The following CCSER1 variants were observed in gnomAD, a reference collection of about 807,000 sequenced individuals.
CCSER1 encodes the protein serine-rich coiled-coil domain-containing protein 1.
CCSER1 carries 41 observed loss-of-function variants against 82.0 expected under a neutral mutation model. The observed-to-expected ratio is 0.50, with a 90% confidence interval of 0.39 to 0.65. CCSER1 has a LOEUF of 0.65. Ranked by LOEUF, CCSER1 falls within the 30% of genes least tolerant of loss-of-function variation. The probability of loss-of-function intolerance (pLI) is 0.00; values close to 1 mark genes in which losing one functional copy is unlikely to be tolerated. For synonymous variants in CCSER1, 414 were observed against 383.9 expected, an observed-to-expected ratio of 1.08 and a Z score of -0.92; for missense variants, 1,119 against 1,064.2, an observed-to-expected ratio of 1.05 and a Z score of -0.72.
At chr4:91,088,713 G>A (rs977754337) in intron 10 of CCSER1, among the ~76,000 whole-genome samples, 6 of 151,490 alleles carry the variant, frequency 4.0e-5, no homozygotes, top group Non-Finnish European at 8.8e-5. Context: ...TAAAAAGGGA[G>A]ATTAGTAGAA....
At chr4:90,700,907 CAAAA>C (rs1737961259) in intron 6 of CCSER1, among the ~76,000 whole-genome samples, 1 of 152,112 alleles carries the variant, frequency 6.6e-6, no homozygotes, top group Non-Finnish European at 1.5e-5. Context: ...GAGTAGACTG[CAAAA>C]ATTTTCTCCC....
intron 10 of CCSER1, among the ~76,000 whole-genome samples, chr4:91,254,793 A>G (rs1402035982): frequency 6.6e-6 from 1 of 152,124 alleles, no homozygotes; most frequent in Non-Finnish European, 1.5e-5. Context: ...ATAGGTAATA[A>G]TTCCAAGAAT....
At chr4:90,969,347 C>G (rs1012753010) in intron 9 of CCSER1, among the ~76,000 whole-genome samples, 1 of 151,858 alleles carries the variant, frequency 6.6e-6, no homozygotes, top group African/African-American at 2.4e-5. Context: ...TATACCAAGA[C>G]ACACGATAAA....
At chr4:90,412,180 T>C (rs993626702) in intron 4 of CCSER1, among the ~76,000 whole-genome samples, 1 of 151,908 alleles carries the variant, frequency 6.6e-6, no homozygotes, top group African/African-American at 2.4e-5. Flanking sequence ...TGGATGAAGC[T>C]GGAAACCATC....
intron 10 of CCSER1, chr4:91,112,563 G>A (rs943241778): frequency 6.6e-6 from 1 of 151,964 alleles, no homozygotes; most frequent in Non-Finnish European, 1.5e-5. Flanking sequence ...ACTACTTAAG[G>A]GTCACTCATT....
chr4:90,970,777 G>A (rs72665466), intron 9 of CCSER1, among the ~76,000 whole-genome samples: 40,832 of 151,456 alleles, frequency 0.27, 6,812 homozygotes, highest in East Asian at 0.39. Context: ...ATCAATAAGA[G>A]GAAGAAAAAT....
chr4:90,967,025 G>T (rs1220689419), intron 9 of CCSER1, among the ~76,000 whole-genome samples: 2 of 152,116 alleles, frequency 1.3e-5, no homozygotes, highest in African/African-American at 4.8e-5. Flanking sequence ...ATAATCAAGG[G>T]AGTGTGGTAC....
rs1322407031 is a variant in CCSER1 at position 90,607,334 on chromosome 4, A to C, written c.1725-20691A>C. Among the ~76,000 whole-genome samples, 72 of 152,196 alleles carry C rather than the reference A, an allele frequency of 4.7e-4. 1 individual carries two copies. Among genetic ancestry groups the C allele is most frequent in the Admixed American group, 4.7e-3 (72 of 15,268 alleles). On this transcript the variant is annotated intron_variant, in intron 5 of 10. Coordinates refer to ENST00000509176, the MANE Select transcript of CCSER1 (RefSeq NM_001145065.2). Reference sequence around the variant, plus strand: ...GAACACACTAAATATAAAAACTTTAAGGAAGGAGCATTTATTAGTTTGCTA... The same window carrying C: ...GAACACACTAAATATAAAAACTTTACGGAAGGAGCATTTATTAGTTTGCTA...
chr4:90,215,884 G>A (rs1740905191), intron 1 of CCSER1, among the ~76,000 whole-genome samples: 1 of 152,166 alleles, frequency 6.6e-6, no homozygotes, highest in East Asian at 1.9e-4. Flanking sequence ...GGGCAGGGGC[G>A]AGGTGGGGGC....
chr4:91,561,039 A>G (rs963971680), intron 10 of CCSER1, among the ~76,000 whole-genome samples: 1 of 151,442 alleles, frequency 6.6e-6, no homozygotes, highest in African/African-American at 2.4e-5. Context: ...AAATACATGT[A>G]TTTGTAAAGC....
At chr4:91,459,974 C>T (rs1478478324) in intron 10 of CCSER1, among the ~76,000 whole-genome samples, 1 of 152,048 alleles carries the variant, frequency 6.6e-6, no homozygotes, top group Non-Finnish European at 1.5e-5. Context: ...AATATCATAG[C>T]AACTCAGCCA....
At chr4:91,228,266 C>T (rs1738361550) in intron 10 of CCSER1, among the ~76,000 whole-genome samples, 1 of 152,076 alleles carries the variant, frequency 6.6e-6, no homozygotes, top group Non-Finnish European at 1.5e-5. Context: ...TGAAAACTAA[C>T]AAACACATTT....
At chr4:90,574,414 G>T (rs979215676) in intron 5 of CCSER1, among the ~76,000 whole-genome samples, 2 of 150,850 alleles carry the variant, frequency 1.3e-5, no homozygotes, top group South Asian at 2.1e-4. Context: ...GACTACAGGC[G>T]CCCGCCACCG....
chr4:90,286,015 T>C (rs1460772765), intron 1 of CCSER1, among the ~76,000 whole-genome samples: 2 of 152,058 alleles, frequency 1.3e-5, no homozygotes, highest in Non-Finnish European at 2.9e-5. Context: ...ATCTATTTAA[T>C]GTGTTCTGAA....
intron 10 of CCSER1, among the ~76,000 whole-genome samples, chr4:91,239,192 T>C (rs1252957207): frequency 7.6e-6 from 1 of 130,746 alleles, no homozygotes; most frequent in Non-Finnish European, 1.6e-5. Flanking sequence ...CTTCATCTTA[T>C]GGATGGGATA....
intron 1 of CCSER1, among the ~76,000 whole-genome samples, chr4:90,231,737 C>CA (rs1240666970): frequency 6.6e-6 from 1 of 152,104 alleles, no homozygotes; most frequent in Non-Finnish European, 1.5e-5. Flanking sequence ...TGTCTTAGCC[C>CA]AAAATCTCCT....
chr4:91,339,778 A>C (rs1235978889), intron 10 of CCSER1, among the ~76,000 whole-genome samples: 1 of 151,838 alleles, frequency 6.6e-6, no homozygotes, highest in Non-Finnish European at 1.5e-5. Flanking sequence ...ATAGTACTGA[A>C]CCCTATGTAT....
At chr4:91,147,475 G>A (rs1278150717) in intron 10 of CCSER1, among the ~76,000 whole-genome samples, 2 of 152,150 alleles carry the variant, frequency 1.3e-5, no homozygotes, top group Non-Finnish European at 1.5e-5. Flanking sequence ...TCTTTCAGAG[G>A]GAGAGATTCC....
At chr4:90,301,440 C>T (rs1165490232) in intron 1 of CCSER1, among the ~76,000 whole-genome samples, 1 of 152,034 alleles carries the variant, frequency 6.6e-6, no homozygotes, top group Non-Finnish European at 1.5e-5. Context: ...ACTGTTTCTT[C>T]AGGTTGCCAT....
Sources: allele counts gnomAD v4.1 joint callset (sites outside exome capture counted in the v4.1 genomes callset), GRCh38; gene constraint gnomAD v4.1.1; transcripts MANE v1.5; gene names NCBI Gene and HGNC (gene_info 2026-07-23, HGNC 2026-07-21).